The following DSE variants were observed in gnomAD, a reference collection of about 807,000 sequenced individuals.
DSE encodes the protein dermatan sulfate epimerase, also known as dermatan-sulfate epimerase.
DSE carries 36 observed loss-of-function variants against 84.4 expected under a neutral mutation model. That is an observed-to-expected ratio of 0.43 (90% confidence interval 0.33 to 0.56). The LOEUF (loss-of-function observed/expected upper bound fraction) is 0.56, where lower values mean the gene tolerates loss of function less well. DSE is among the 20% of genes least tolerant of loss of function. The probability of loss-of-function intolerance (pLI) is 0.06; values close to 1 mark genes in which losing one functional copy is unlikely to be tolerated. For synonymous variants in DSE, 410 were observed against 430.1 expected (o/e 0.95, Z 0.58); for missense variants, 862 against 1,169.6 (o/e 0.74, Z 3.84).
intron 2 of DSE, among the ~76,000 whole-genome samples, chr6:116,291,436 C>T (rs1356378800): frequency 2.6e-5 from 4 of 151,710 alleles, no homozygotes; most frequent in East Asian, 3.9e-4. Context: ...ATACCCTGAA[C>T]AAAGACTCAA....
intron 1 of DSE, 38 bp downstream of exon 1, chr6:116,371,159 G>C (rs1779529227): frequency 1.0e-6 from 1 of 985,670 alleles, no homozygotes; most frequent in Non-Finnish European, 1.2e-6. Context: ...GCTGGGGCGC[G>C]CGGCGCAACT....
At chr6:116,280,821 A>G (rs750419141) in intron 2 of DSE, among the ~76,000 whole-genome samples, 2 of 152,238 alleles carry the variant, frequency 1.3e-5, no homozygotes, top group African/African-American at 4.8e-5. Context: ...AGGAAAGGCT[A>G]GTTAAAATGG....
intron 2 of DSE, among the ~76,000 whole-genome samples, chr6:116,406,923 C>G (rs753119830): frequency 2.0e-5 from 3 of 151,778 alleles, no homozygotes; most frequent in Non-Finnish European, 4.4e-5. Flanking sequence ...AGGAATGACT[C>G]AGGAAAAAAG....
intron 2 of DSE, among the ~76,000 whole-genome samples, chr6:116,266,555 A>C (rs546090878): frequency 1.3e-5 from 2 of 152,284 alleles, no homozygotes; most frequent in South Asian, 2.1e-4. Context: ...TACTATTATA[A>C]ATGGGAAAAT....
chr6:116,418,860 T>G (rs3777994), intron 2 of DSE, among the ~76,000 whole-genome samples: 98,429 of 151,812 alleles, frequency 0.65, 32,939 homozygotes, highest in Admixed American at 0.73. Context: ...TAATCTCCTA[T>G]CCAAATTGCT....
intron 2 of DSE, among the ~76,000 whole-genome samples, chr6:116,362,429 A>G (rs1443242849): frequency 6.6e-6 from 1 of 152,234 alleles, no homozygotes; most frequent in Non-Finnish European, 1.5e-5. Flanking sequence ...ATTTGGAAAT[A>G]GAGCTTTTAG....
rs148204266 is a variant in DSE at position 116,283,526 on chromosome 6, T to TTTGTTGTTGTTG, written c.-54+24586_-54+24597dup. 2.7e-3 allele frequency among the ~76,000 whole-genome samples: 399 copies of TTTGTTGTTGTTG among 149,350 alleles called. 1 individual carries two copies. Among genetic ancestry groups the TTTGTTGTTGTTG allele is most frequent in the African/African-American group, 7.9e-3 (319 of 40,380 alleles). On this transcript the variant is annotated intron_variant, in intron 2 of 3. Coordinates refer to the DSE transcript ENST00000430252. ...ATGGGGCTCAGGTTTGGGTAGATTC[T>TTTGTTGTTGTTG]TTGTTGTTGTTGTTGTTGTTGTTGT...
intron 2 of DSE, among the ~76,000 whole-genome samples, chr6:116,267,568 T>G (rs1170581258): frequency 1.3e-5 from 2 of 152,112 alleles, no homozygotes; most frequent in African/African-American, 4.8e-5. Context: ...TTTTAAAAAG[T>G]TAAAACATAA....
rs552858190 is a variant in DSE at position 116,304,040 on chromosome 6, G to C, written c.-54+45073G>C. On this transcript the variant is annotated intron_variant, in intron 2 of 3. Transcript: ENST00000430252. The stretch of plus-strand genomic sequence containing the variant: ...AGTCCCAGCTACTCAGGAGGCTGAG[G>C]CAGGAGAATGAGGTGGAGCCTGCAG... Among the ~76,000 whole-genome samples the C allele has an allele frequency of 1.5e-3, 230 of 151,780 alleles. 1 individual carries two copies. Among genetic ancestry groups the C allele is most frequent in the African/African-American group, 5.5e-3 (227 of 41,338 alleles).
chr6:116,378,894 G>A (rs188664612), intron 1 of DSE, among the ~76,000 whole-genome samples: 6 of 152,080 alleles, frequency 3.9e-5, no homozygotes, highest in Admixed American at 2.0e-4. Flanking sequence ...TTGCATGAAT[G>A]TAGGGGGCAT....
intron 2 of DSE, among the ~76,000 whole-genome samples, chr6:116,281,694 C>T (rs191049654): frequency 0.018 from 2,812 of 152,302 alleles, 35 homozygotes; most frequent in Middle Eastern, 0.041. Flanking sequence ...CTCTGTTTAT[C>T]GAGTGCCTAG....
At chr6:116,292,270 T>C (rs1301422538) in intron 2 of DSE, among the ~76,000 whole-genome samples, 1 of 151,620 alleles carries the variant, frequency 6.6e-6, no homozygotes, top group Non-Finnish European at 1.5e-5. Flanking sequence ...CCATTAGAGG[T>C]AGGGAAAGAA....
chr6:116,437,247 C>G lies in DSE; in HGVS notation c.2779C>G (p.Gln927Glu). 2 of 1,614,080 alleles carry G rather than the reference C, an allele frequency of 1.2e-6. No individual in the cohort carries two copies. Among genetic ancestry groups the G allele is most frequent in the Non-Finnish European group, 1.7e-6 (2 of 1,179,992 alleles). ...AMQLTYFQRA[Q>E]SLHGQRCLYA... is the part of the protein sequence containing the mutation. ...GCAACTGACTTATTTCCAGAGGGCC[C>G]AGAGCCTACATGGCCAAAGATGTCT... The change falls in exon 6 of 6, where the codon CAG becomes GAG. Residue 927 changes from glutamine (Q) to glutamate (E), a missense_variant. Around this residue, in one of 4 missense-constraint regions of DSE, gnomAD observed 315 missense variants for 348.1 expected, o/e 0.90. Coordinates refer to ENST00000644252, the MANE Select transcript of DSE (RefSeq NM_013352.4).
intron 2 of DSE, among the ~76,000 whole-genome samples, chr6:116,318,972 GT>G (rs1776146660): frequency 6.6e-6 from 1 of 152,106 alleles, no homozygotes; most frequent in Non-Finnish European, 1.5e-5. Flanking sequence ...CTCTTTTTCT[GT>G]TTAGGATGAA....
upstream of DSE, chr6:116,370,926 G>A: frequency 1.0e-6 from 1 of 985,246 alleles, no homozygotes; most frequent in South Asian, 4.7e-5. Context: ...ACACCTACCC[G>A]CCCCCGCCGG....
At chr6:116,370,795 G>A (rs1476306088), upstream of DSE, 1 of 979,728 alleles carries the variant, frequency 1.0e-6, no homozygotes, top group African/African-American at 1.8e-5. Context: ...GGCCGGGGGA[G>A]GGGGTCCCCG....
intron 1 of DSE, among the ~76,000 whole-genome samples, chr6:116,377,751 C>G (rs1270589209): frequency 6.6e-6 from 1 of 152,180 alleles, no homozygotes. Context: ...CAATATCCAA[C>G]ACGGTGTAGA....
rs888929013 is a variant in DSE, at chr6:116,280,154, G to T, written c.-54+21187G>T. 9 of 427,888 alleles carry T rather than the reference G, an allele frequency of 2.1e-5. 1 individual carries two copies. The East Asian group carries it at 3.8e-4, about 18-fold the overall frequency. The allele number at this position is 427,888 out of a possible 1,614,324, so 26.5% of individuals were successfully genotyped here. A position where few individuals can be genotyped will look rare whatever the true frequency, so the allele number is the denominator to read the frequency against. The stretch of plus-strand genomic sequence containing the variant: ...CCACCTTGAGATGCATCTAGCGACT[G>T]CTCCCAGCATGTAGGAGCAGTTGTA... On this transcript the variant is annotated intron_variant, in intron 2 of 3. Coordinates refer to the DSE transcript ENST00000430252.
At chr6:116,335,298 C>T (rs1777174928) in intron 2 of DSE, among the ~76,000 whole-genome samples, 1 of 152,204 alleles carries the variant, frequency 6.6e-6, no homozygotes, top group South Asian at 2.1e-4. Flanking sequence ...ACCACATGTT[C>T]TCACTTGTAA....
Sources: gnomAD v4.1 joint callset for allele counts (sites outside exome capture counted in the v4.1 genomes callset) on GRCh38, gnomAD v4.1.1 for gene constraint, gnomAD v4.1.1 regional missense constraint, MANE v1.5 for transcripts, NCBI Gene and HGNC (gene_info 2026-07-23, HGNC 2026-07-21) for gene names.